The following FER variants were observed in gnomAD, a reference collection of about 807,000 sequenced individuals.
FER encodes FER tyrosine kinase.
FER carries 63 observed loss-of-function variants against 111.0 expected under a neutral mutation model. The ratio of observed to expected loss-of-function variants is 0.57; its 90% CI spans 0.46 to 0.70. The LOEUF (loss-of-function observed/expected upper bound fraction) is 0.70, where lower values mean the gene tolerates loss of function less well. FER is among the 30% of genes least tolerant of loss of function. FER has a pLI of 0.00. For missense variants in FER, 914 were observed against 954.0 expected, an observed-to-expected ratio of 0.96 and a Z score of 0.55; for synonymous variants, 327 against 313.9, an observed-to-expected ratio of 1.04 and a Z score of -0.44.
At chr5:109,150,384 G>C (rs1458624344) in intron 17 of FER, among the ~76,000 whole-genome samples, 1 of 151,966 alleles carries the variant, frequency 6.6e-6, no homozygotes, top group Non-Finnish European at 1.5e-5. Context: ...ATTTCCTTTA[G>C]GTTCCAGTTA....
chr5:108,978,210 G>A (rs991746162), intron 13 of FER, among the ~76,000 whole-genome samples: 60 of 152,132 alleles, frequency 3.9e-4, no homozygotes, highest in African/African-American at 1.4e-3. Context: ...AATAATGACC[G>A]ATTATGTTCT....
Position 108,832,724 on chromosome 5 carries a change from G to A in FER, c.208-46G>A, listed in dbSNP as rs749642571. On this transcript the variant is annotated intron_variant, in intron 3 of 19. Transcript: ENST00000281092. ...TGAACTCTTAAAGCACAGCTAAATG[G>A]AAACCTTTAATGCAAATGTTTGTTT... 2.2e-6 allele frequency: 3 copies of A among 1,353,982 alleles called. No homozygotes were observed. In the South Asian group the frequency reaches 6.0e-5, roughly 27 times the overall value. 83.9% of individuals were successfully genotyped at this position (1,353,982 alleles called of 1,614,324 possible).
chr5:109,067,449 T>C (rs575580358), intron 16 of FER, among the ~76,000 whole-genome samples: 1 of 152,270 alleles, frequency 6.6e-6, no homozygotes, highest in South Asian at 2.1e-4. Flanking sequence ...CTTCCAGAGC[T>C]TTTTTATGCA....
intron 10 of FER, among the ~76,000 whole-genome samples, chr5:108,941,975 C>T (rs778122640): frequency 2.0e-5 from 3 of 152,046 alleles, no homozygotes; most frequent in Admixed American, 6.6e-5. Flanking sequence ...ACAGGCAACA[C>T]GCTGGAGGGA....
chr5:108,961,358 A>G (rs1329224825), intron 13 of FER, among the ~76,000 whole-genome samples: 1 of 152,164 alleles, frequency 6.6e-6, no homozygotes, highest in African/African-American at 2.4e-5. Flanking sequence ...TTGACTAGGA[A>G]TACAAAATTT....
intron 2 of FER, among the ~76,000 whole-genome samples, chr5:108,769,033 GCCAGGCTCTT>G (rs1301785999): frequency 3.9e-5 from 6 of 151,990 alleles, no homozygotes; most frequent in Non-Finnish European, 1.5e-5. Flanking sequence ...TGCCACATTG[GCCAGGCTCTT>G]CTCAAACTCC....
chr5:109,060,965 A>G (rs1442528053), intron 16 of FER, among the ~76,000 whole-genome samples: 2 of 152,134 alleles, frequency 1.3e-5, no homozygotes, highest in African/African-American at 4.8e-5. Flanking sequence ...TTTAACTCAG[A>G]CTGAACCTGC....
At chr5:108,900,933 CAT>C (rs1749920525) in intron 10 of FER, among the ~76,000 whole-genome samples, 1 of 152,150 alleles carries the variant, frequency 6.6e-6, no homozygotes, top group Non-Finnish European at 1.5e-5. Context: ...CTCCAAAACT[CAT>C]GTGGAAATTT....
chr5:108,952,559 T>C (rs1394861815), intron 11 of FER, among the ~76,000 whole-genome samples: 1 of 138,024 alleles, frequency 7.2e-6, no homozygotes, highest in Non-Finnish European at 1.7e-5. Flanking sequence ...GGATGGGGAA[T>C]AACAGATCTT....
intron 2 of FER, among the ~76,000 whole-genome samples, chr5:108,769,766 T>A (rs1006909975): frequency 1.3e-5 from 2 of 152,246 alleles, no homozygotes; most frequent in Non-Finnish European, 2.9e-5. Context: ...GCTGGTATCA[T>A]GTACAGAAAC....
chr5:109,010,388 ACCTCGTGATCCGCCCG>A (rs1766098563), intron 13 of FER, among the ~76,000 whole-genome samples: 1 of 151,654 alleles, frequency 6.6e-6, no homozygotes, highest in African/African-American at 2.4e-5. Flanking sequence ...CGATCTCCTG[ACCTCGTGATCCGCCCG>A]CCTCGGCCTC....
chr5:109,158,215 C>CA (rs553260688), intron 17 of FER, among the ~76,000 whole-genome samples: 13 of 151,230 alleles, frequency 8.6e-5, no homozygotes, highest in Non-Finnish European at 1.9e-4. Flanking sequence ...CCCGTCTCTA[C>CA]AAAAAAAATA....
chr5:108,750,919 G>C (rs1054738917), intron 1 of FER, among the ~76,000 whole-genome samples: 14 of 152,200 alleles, frequency 9.2e-5, no homozygotes, highest in Non-Finnish European at 2.1e-4. Flanking sequence ...GTGGCCGGGC[G>C]CGGTGGCTCA....
At chr5:108,881,330 G>A (rs555547661) in intron 8 of FER, among the ~76,000 whole-genome samples, 4 of 152,216 alleles carry the variant, frequency 2.6e-5, no homozygotes, top group South Asian at 2.1e-4. Context: ...CGTTTTACAC[G>A]GATGGCAGCA....
chr5:109,029,266 CTTTAAG>C (rs1324242657), intron 13 of FER, among the ~76,000 whole-genome samples: 16 of 69,032 alleles, frequency 2.3e-4, no homozygotes, highest in Non-Finnish European at 4.4e-4. Flanking sequence ...TATTATTATA[CTTTAAG>C]TTTTAGGGTA....
intron 18 of FER, among the ~76,000 whole-genome samples, chr5:109,185,443 G>T (rs948624975): frequency 5.3e-5 from 8 of 152,144 alleles, no homozygotes; most frequent in Admixed American, 2.0e-4. Flanking sequence ...TTTCCTAATT[G>T]CTTTAAGTTT....
intron 16 of FER, among the ~76,000 whole-genome samples, chr5:109,077,040 G>A (rs188435071): frequency 1.3e-5 from 2 of 152,252 alleles, no homozygotes; most frequent in East Asian, 1.9e-4. Context: ...ACACTTGTCT[G>A]CCTTTTATAT....
chr5:109,110,341 A>C (rs1749455212), intron 17 of FER, among the ~76,000 whole-genome samples: 1 of 152,172 alleles, frequency 6.6e-6, no homozygotes, highest in African/African-American at 2.4e-5. Flanking sequence ...ACCATTTTAT[A>C]TAGGGTGTTA....
chr5:108,776,646 T>G (rs1386386040), intron 2 of FER, among the ~76,000 whole-genome samples: 1 of 152,216 alleles, frequency 6.6e-6, no homozygotes, highest in Non-Finnish European at 1.5e-5. Flanking sequence ...CTTCCATTTC[T>G]GTTTAAAAAC....
Sources: gnomAD v4.1 joint callset for allele counts (sites outside exome capture counted in the v4.1 genomes callset) on GRCh38, gnomAD v4.1.1 for gene constraint, MANE v1.5 for transcripts, NCBI Gene and HGNC (gene_info 2026-07-23, HGNC 2026-07-21) for gene names.